The following PTPRG variants were observed in gnomAD, a reference collection of about 807,000 sequenced individuals.
PTPRG encodes protein tyrosine phosphatase receptor type G.
PTPRG carries 102 observed loss-of-function variants against 165.3 expected under a neutral mutation model. That is an observed-to-expected ratio of 0.62 (90% confidence interval 0.53 to 0.73). The LOEUF (loss-of-function observed/expected upper bound fraction) is 0.73. Ranked by LOEUF, PTPRG falls within the 30% of genes least tolerant of loss-of-function variation. The pLI, the probability that PTPRG is intolerant of heterozygous loss-of-function variation, is 0.00. For synonymous variants in PTPRG, 675 were observed against 669.5 expected (o/e 1.01, Z -0.13); for missense variants, 1,866 against 1,861.4 (o/e 1.00, Z -0.05).
intron 2 of PTPRG, among the ~76,000 whole-genome samples, chr3:61,977,962 C>T (rs556496955): frequency 6.6e-6 from 1 of 152,312 alleles, no homozygotes; most frequent in Non-Finnish European, 1.5e-5. Context: ...GAATTCCAGA[C>T]TATTTCAGGC....
intron 1 of PTPRG, among the ~76,000 whole-genome samples, chr3:61,590,917 C>T (rs1282923471): frequency 6.6e-6 from 1 of 152,062 alleles, no homozygotes; most frequent in Non-Finnish European, 1.5e-5. Context: ...CAAGACCAGC[C>T]TGGCCAACAT....
chr3:62,177,487 C>G (rs553324148), intron 8 of PTPRG, among the ~76,000 whole-genome samples: 2 of 152,262 alleles, frequency 1.3e-5, no homozygotes, highest in African/African-American at 4.8e-5. Flanking sequence ...CATTGGAGAA[C>G]GTATTTCAGA....
At chr3:61,914,824 A>G (rs2038894695) in intron 2 of PTPRG, among the ~76,000 whole-genome samples, 1 of 152,250 alleles carries the variant, frequency 6.6e-6, no homozygotes, top group African/African-American at 2.4e-5. Flanking sequence ...TTTGATGAGG[A>G]GGATGGGCAT....
chr3:61,794,710 G>C (rs184542734), intron 2 of PTPRG, among the ~76,000 whole-genome samples: 1 of 152,188 alleles, frequency 6.6e-6, no homozygotes, highest in Non-Finnish European at 1.5e-5. Flanking sequence ...TCTGAAAAAT[G>C]AGTAAATTCA....
At chr3:61,607,654 C>A (rs1701051609) in intron 1 of PTPRG, among the ~76,000 whole-genome samples, 1 of 152,154 alleles carries the variant, frequency 6.6e-6, no homozygotes, top group Non-Finnish European at 1.5e-5. Context: ...TCTCCTGCTT[C>A]TCTTTAGAAG....
intron 2 of PTPRG, among the ~76,000 whole-genome samples, chr3:61,939,348 A>T (rs1419895507): frequency 3.3e-5 from 5 of 152,244 alleles, no homozygotes; most frequent in Non-Finnish European, 7.3e-5. Flanking sequence ...GGATGCTTAC[A>T]TAGCAAAACT....
At chr3:61,665,297 A>T (rs920698217) in intron 1 of PTPRG, among the ~76,000 whole-genome samples, 2 of 152,104 alleles carry the variant, frequency 1.3e-5, no homozygotes, top group Non-Finnish European at 2.9e-5. Flanking sequence ...TCTTCCTGGA[A>T]GTATCGTTTT....
At chr3:62,129,731 G>T (rs1414038672) in intron 5 of PTPRG, among the ~76,000 whole-genome samples, 1 of 152,108 alleles carries the variant, frequency 6.6e-6, no homozygotes, top group African/African-American at 2.4e-5. Context: ...GTGAAATGTT[G>T]GGGATACATT....
chr3:62,014,066 T>G lies in PTPRG; in HGVS notation c.519+10569T>G, dbSNP rs368646347. Among the ~76,000 whole-genome samples, 9 of 152,262 alleles carry G rather than the reference T, an allele frequency of 5.9e-5. No homozygotes were observed. In the East Asian group the frequency reaches 1.2e-3, roughly 20 times the overall value. ...CCTGTCAAAATTTGAGCGGGAAGGTTTCAAGCCATCTTAAATCTAAAGCCT... is the reference window on the plus strand; with the variant it reads ...CCTGTCAAAATTTGAGCGGGAAGGTGTCAAGCCATCTTAAATCTAAAGCCT... On this transcript the variant is annotated intron_variant, in intron 4 of 29. Coordinates refer to ENST00000474889, the MANE Select transcript of PTPRG (RefSeq NM_002841.4).
At chr3:61,917,405 A>G (rs1053127829) in intron 2 of PTPRG, among the ~76,000 whole-genome samples, 9 of 152,184 alleles carry the variant, frequency 5.9e-5, no homozygotes, top group African/African-American at 7.2e-5. Flanking sequence ...GTTGCCTGGC[A>G]GTTGCTCCAT....
chr3:61,682,344 A>G (rs1247145559), intron 1 of PTPRG, among the ~76,000 whole-genome samples: 1 of 152,174 alleles, frequency 6.6e-6, no homozygotes, highest in Non-Finnish European at 1.5e-5. Context: ...TCCAAGGGGC[A>G]TGATATCTTC....
intron 1 of PTPRG, among the ~76,000 whole-genome samples, chr3:61,738,261 T>TAG (rs2032804641): frequency 5.5e-5 from 2 of 36,092 alleles, no homozygotes; most frequent in Non-Finnish European, 8.8e-5. Flanking sequence ...TCCATTTTTA[T>TAG]ATATATATAT....
chr3:61,638,119 A>C (rs1033832522), intron 1 of PTPRG, among the ~76,000 whole-genome samples: 3 of 152,354 alleles, frequency 2.0e-5, no homozygotes, highest in African/African-American at 4.8e-5. Context: ...ATCGTGGTAC[A>C]AAGTTATTAT....
chr3:62,055,513 CAT>C (rs1700603728), intron 4 of PTPRG, among the ~76,000 whole-genome samples: 1 of 152,182 alleles, frequency 6.6e-6, no homozygotes, highest in African/African-American at 2.4e-5. Context: ...AAAACGGAGA[CAT>C]AGGTGAAGTT....
At chr3:62,179,879 A>T (rs1705580323) in intron 8 of PTPRG, among the ~76,000 whole-genome samples, 1 of 152,214 alleles carries the variant, frequency 6.6e-6, no homozygotes, top group Non-Finnish European at 1.5e-5. Context: ...ATGAGGTTGG[A>T]ACCCAAACAT....
intron 2 of PTPRG, among the ~76,000 whole-genome samples, chr3:61,918,522 T>G (rs1209922407): frequency 6.6e-6 from 1 of 152,122 alleles, no homozygotes; most frequent in East Asian, 1.9e-4. Flanking sequence ...AAAATAAGAA[T>G]AAGATCGCCC....
chr3:61,992,549 C>T (rs951737826), intron 3 of PTPRG, among the ~76,000 whole-genome samples: 4 of 151,088 alleles, frequency 2.6e-5, no homozygotes, highest in South Asian at 2.1e-4. Context: ...GACGGAGTCT[C>T]GCTCTTGTCA....
At chr3:61,823,896 G>A (rs1009472379) in intron 2 of PTPRG, among the ~76,000 whole-genome samples, 1 of 152,148 alleles carries the variant, frequency 6.6e-6, no homozygotes. Flanking sequence ...GGAGGCCGAG[G>A]TGGGCAGATC....
chr3:62,258,297 A>G (rs1701596303), intron 16 of PTPRG, among the ~76,000 whole-genome samples: 1 of 152,204 alleles, frequency 6.6e-6, no homozygotes, highest in Admixed American at 6.5e-5. Context: ...AACCCATCTA[A>G]CAGTTACTGA....
Sources: allele counts gnomAD v4.1 joint callset (sites outside exome capture counted in the v4.1 genomes callset), GRCh38; gene constraint gnomAD v4.1.1; transcripts MANE v1.5; gene names NCBI Gene and HGNC (gene_info 2026-07-23, HGNC 2026-07-21).